Variants in LRP1B observed in about 807,000 individuals in gnomAD.
The protein encoded by LRP1B is low-density lipoprotein receptor-related protein 1B.
Under a neutral mutation model 556.6 loss-of-function variants are expected in LRP1B, and 217 were observed. The observed-to-expected ratio is 0.39, with a 90% CI of 0.35 to 0.44. LRP1B has a LOEUF of 0.44. Ranked by LOEUF, LRP1B falls within the 20% of genes least tolerant of loss-of-function variation. LRP1B has a pLI of 1.00. For missense variants in LRP1B, 5,053 were observed against 5,620.8 expected, an observed-to-expected ratio of 0.90 and a Z score of 3.23; for synonymous variants, 2,047 against 1,865.8, an observed-to-expected ratio of 1.10 and a Z score of -2.50.
chr2:140,327,632 A>T (rs1390054660), intron 79 of LRP1B, among the ~76,000 whole-genome samples: 1 of 152,082 alleles, frequency 6.6e-6, no homozygotes, highest in Non-Finnish European at 1.5e-5. Flanking sequence ...TACAATAAAG[A>T]AGTAGCTAAA....
At position 140,315,210 on chromosome 2, in the gene LRP1B, A is replaced by G. The variant is rs780575293; in HGVS notation, c.12641-111T>C. The G allele has an allele frequency of 8.8e-6, 6 of 685,366 alleles. No individual in the cohort carries two copies. In the South Asian group the frequency reaches 1.5e-4, roughly 17 times the overall value. The allele number at this position is 685,366 out of a possible 1,614,324, so 42.5% of individuals were successfully genotyped here. ...CTAGGATCTTGTGTTTCCATAAAAT[A>G]ATTAACCCCAAGTACAAAAGAAGAA... On this transcript the variant is annotated intron_variant, in intron 82 of 90. Coordinates refer to ENST00000389484, the MANE Select transcript of LRP1B (RefSeq NM_018557.3).
chr2:140,909,908 C>T (rs1038573353), intron 21 of LRP1B, among the ~76,000 whole-genome samples: 4 of 150,908 alleles, frequency 2.7e-5, no homozygotes, highest in Admixed American at 2.0e-4. Context: ...CTATACAACA[C>T]TTATACAAAT....
At chr2:140,681,965 G>A (rs1389255674) in intron 41 of LRP1B, among the ~76,000 whole-genome samples, 1 of 152,214 alleles carries the variant, frequency 6.6e-6, no homozygotes, top group Non-Finnish European at 1.5e-5. Context: ...AGAAAGGCAT[G>A]TGTGGATGTA....
intron 84 of LRP1B, among the ~76,000 whole-genome samples, chr2:140,286,341 G>A (rs1377798085): frequency 1.3e-5 from 2 of 151,748 alleles, no homozygotes; most frequent in South Asian, 2.1e-4. Context: ...TTCAGATGGA[G>A]GAGTAAAAGA....
intron 7 of LRP1B, among the ~76,000 whole-genome samples, chr2:141,068,614 C>T (rs1423788969): frequency 6.6e-6 from 1 of 150,408 alleles, no homozygotes; most frequent in African/African-American, 2.4e-5. Context: ...ATGCCTAGTG[C>T]CAGGTAGTTT....
intron 9 of LRP1B, among the ~76,000 whole-genome samples, chr2:141,057,302 A>G (rs1231178392): frequency 6.6e-6 from 1 of 151,854 alleles, no homozygotes; most frequent in Non-Finnish European, 1.5e-5. Context: ...TTGTTTCTCC[A>G]GCCTTATTTC....
intron 1 of LRP1B, among the ~76,000 whole-genome samples, chr2:141,907,471 A>G (rs868243422): frequency 6.6e-6 from 1 of 151,980 alleles, no homozygotes; most frequent in South Asian, 2.1e-4. Context: ...TTTGAAAGCA[A>G]TATCTTCATG....
rs565711534 is a variant in LRP1B at position 141,485,219 on chromosome 2, G to T, written c.206-4686C>A. 4.6e-5 allele frequency among the ~76,000 whole-genome samples: 7 copies of T among 152,208 alleles called. No individual in the cohort carries two copies. The South Asian group carries it at 1.2e-3, about 27-fold the overall frequency. ...TCTTTATCATCTTTGATATACTCTT[G>T]TCTTGGTTGCCAGGACTACTGGGTA... is the stretch of plus-strand genomic sequence containing the variant. On this transcript the variant is annotated intron_variant, in intron 2 of 90. Transcript: ENST00000389484.
intron 2 of LRP1B, among the ~76,000 whole-genome samples, chr2:141,786,036 G>A (rs996388382): frequency 1.3e-5 from 2 of 151,728 alleles, no homozygotes; most frequent in African/African-American, 2.4e-5. Context: ...GAGATGCATG[G>A]CATTTTCTCA....
chr2:141,080,122 T>A (rs1699888345), intron 7 of LRP1B, among the ~76,000 whole-genome samples: 1 of 152,202 alleles, frequency 6.6e-6, no homozygotes, highest in East Asian at 1.9e-4. Context: ...TAAAGCCCTA[T>A]TGGAAAGCAA....
intron 1 of LRP1B, among the ~76,000 whole-genome samples, chr2:142,032,161 G>A (rs1703733496): frequency 6.6e-6 from 1 of 151,836 alleles, no homozygotes; most frequent in Non-Finnish European, 1.5e-5. Flanking sequence ...ATGTAACCAA[G>A]ATTCCTACAG....
At chr2:140,541,190 ATC>A (rs2105018044) in intron 44 of LRP1B, 92 bp from the exon 45 acceptor site, 1 of 1,033,072 alleles carries the variant, frequency 9.7e-7, no homozygotes, top group Non-Finnish European at 1.4e-6. Context: ...GACTGCCTCA[ATC>A]TCTCAATAAT....
intron 2 of LRP1B, among the ~76,000 whole-genome samples, chr2:141,689,671 A>C (rs1188273516): frequency 6.6e-6 from 1 of 151,760 alleles, no homozygotes; most frequent in Non-Finnish European, 1.5e-5. Context: ...TCAATGACTA[A>C]TTAGTGATGG....
At chr2:141,260,051 G>A (rs541918406) in intron 3 of LRP1B, among the ~76,000 whole-genome samples, 2 of 151,630 alleles carry the variant, frequency 1.3e-5, no homozygotes, top group Admixed American at 6.6e-5. Flanking sequence ...TTTATTTTTG[G>A]GTGTGACATG....
At chr2:141,902,957 A>G (rs1391490261) in intron 1 of LRP1B, among the ~76,000 whole-genome samples, 1 of 151,924 alleles carries the variant, frequency 6.6e-6, no homozygotes, top group Admixed American at 6.6e-5. Flanking sequence ...ACTTTTAGCC[A>G]GTTTTCTTAC....
chr2:142,046,721 G>C (rs1179167526), intron 1 of LRP1B, among the ~76,000 whole-genome samples: 1 of 151,942 alleles, frequency 6.6e-6, no homozygotes, highest in Non-Finnish European at 1.5e-5. Context: ...ATGGTTGTCA[G>C]TTTCTATTAA....
At chr2:141,785,566 G>A (rs1695403676) in intron 2 of LRP1B, among the ~76,000 whole-genome samples, 1 of 151,598 alleles carries the variant, frequency 6.6e-6, no homozygotes, top group Admixed American at 6.6e-5. Context: ...CCCTTAAGAT[G>A]AAGTATCACT....
chr2:140,885,887 G>A (rs1375008228), intron 24 of LRP1B, among the ~76,000 whole-genome samples: 1 of 145,110 alleles, frequency 6.9e-6, no homozygotes, highest in Non-Finnish European at 1.5e-5. Context: ...TCTTGTAAAT[G>A]CATTTCTTTG....
chr2:140,814,307 C>G (rs951933539), intron 31 of LRP1B, among the ~76,000 whole-genome samples: 1 of 152,056 alleles, frequency 6.6e-6, no homozygotes, highest in Admixed American at 6.6e-5. Context: ...GACAGAGAAA[C>G]GTTATACTTT....
Sources: allele counts gnomAD v4.1 joint callset (sites outside exome capture counted in the v4.1 genomes callset), GRCh38; gene constraint gnomAD v4.1.1; transcripts MANE v1.5; gene names NCBI Gene and HGNC (gene_info 2026-07-23, HGNC 2026-07-21).